The following PPP2R5C variants were observed in gnomAD, a reference collection of about 807,000 sequenced individuals.
PPP2R5C encodes protein phosphatase 2 regulatory subunit B'gamma, also known as serine/threonine-protein phosphatase 2A 56 kDa regulatory subunit gamma isoform.
PPP2R5C carries 7 observed loss-of-function variants against 68.9 expected under a neutral mutation model. That is an observed-to-expected ratio of 0.10 (90% confidence interval 0.06 to 0.19). PPP2R5C has a LOEUF of 0.19. Ranked by LOEUF, PPP2R5C falls within the 10% of genes least tolerant of loss-of-function variation. The pLI, the probability that PPP2R5C is intolerant of heterozygous loss-of-function variation, is 1.00. For synonymous variants in PPP2R5C, 210 were observed against 222.2 expected (o/e 0.95, Z 0.49); for missense variants, 348 against 641.3 (o/e 0.54, Z 4.94).
At chr14:101,791,408 C>G (rs1331789392) in intron 3 of PPP2R5C, among the ~76,000 whole-genome samples, 6 of 151,638 alleles carry the variant, frequency 4.0e-5, no homozygotes, top group Non-Finnish European at 8.8e-5. Context: ...GTATGTTTTC[C>G]CAGATATGAG....
intron 9 of PPP2R5C, among the ~76,000 whole-genome samples, chr14:101,905,257 G>A (rs550240553): frequency 6.6e-6 from 1 of 152,240 alleles, no homozygotes; most frequent in Non-Finnish European, 1.5e-5. Context: ...AGGAGGCTCA[G>A]GTAGGAGAAT....
intron 1 of PPP2R5C, among the ~76,000 whole-genome samples, chr14:101,850,009 T>C (rs1299974142): frequency 6.6e-6 from 1 of 152,244 alleles, no homozygotes; most frequent in Non-Finnish European, 1.5e-5. Context: ...ATGTATTCAG[T>C]TCCACAGAAG....
intron 5 of PPP2R5C, among the ~76,000 whole-genome samples, chr14:101,889,415 A>G (rs2044715587): frequency 1.3e-5 from 2 of 152,170 alleles, no homozygotes; most frequent in African/African-American, 2.4e-5. Context: ...GTTTCCTAAC[A>G]TGTCCCTGTT....
intron 13 of PPP2R5C, chr14:101,921,873 A>C (rs1316201859): frequency 1.5e-6 from 1 of 665,992 alleles, no homozygotes; most frequent in Non-Finnish European, 1.9e-6. Context: ...CATTTCCTTC[A>C]AGAAACTAGT....
chr14:101,780,404 T>C lies in PPP2R5C; in HGVS notation c.94-5614T>C, dbSNP rs548196609. Among the ~76,000 whole-genome samples the C allele has an allele frequency of 1.1e-3, 168 of 152,288 alleles. 1 individual carries two copies. The highest frequency in any genetic ancestry group is 3.9e-3 in the African/African-American group (161 of 41,558). ...GTTCCCATACGTTTGAGAGATATGA[T>C]AGTCAACCAAGGGTGATTTTGCCCC... On this transcript the variant is annotated intron_variant, in intron 2 of 14. Coordinates refer to the PPP2R5C transcript ENST00000328724.
At chr14:101,816,784 A>G (rs1396856795) in intron 1 of PPP2R5C, among the ~76,000 whole-genome samples, 1 of 150,228 alleles carries the variant, frequency 6.7e-6, no homozygotes, top group Non-Finnish European at 1.5e-5. Context: ...AGCTGAGGGG[A>G]TATACAATAT....
At chr14:101,765,568 C>CT (rs568558671) in intron 2 of PPP2R5C, 3,317 of 152,774 alleles carry the variant, frequency 0.022, 44 homozygotes, top group East Asian at 0.086. Context: ...GCTTTCAAGC[C>CT]TTTTTTTTTT....
At chr14:101,881,074 TAAC>T (rs2044144359) in intron 2 of PPP2R5C, among the ~76,000 whole-genome samples, 1 of 152,052 alleles carries the variant, frequency 6.6e-6, no homozygotes, top group African/African-American at 2.4e-5. Context: ...TTCAATAAGG[TAAC>T]CAATCATATT....
chr14:101,787,840 T>C (rs944122417), intron 3 of PPP2R5C, among the ~76,000 whole-genome samples: 1 of 152,178 alleles, frequency 6.6e-6, no homozygotes, highest in Non-Finnish European at 1.5e-5. Flanking sequence ...ATATTTGGTT[T>C]ACCTTTGTGG....
intron 2 of PPP2R5C, among the ~76,000 whole-genome samples, chr14:101,881,495 G>A (rs2140888776): frequency 6.6e-6 from 1 of 152,324 alleles, no homozygotes; most frequent in Non-Finnish European, 1.5e-5. Flanking sequence ...TTATGTCACT[G>A]ATCTGTCAGT....
chr14:101,760,593 C>A, upstream of PPP2R5C: 1 of 693,500 alleles, frequency 1.4e-6, no homozygotes, highest in Non-Finnish European at 1.8e-6. Flanking sequence ...GAGGGCGGGA[C>A]CAACCAGGAA....
At chr14:101,927,347 C>G (rs1027545578) in exon 14 of PPP2R5C, 2 of 152,598 alleles carry the variant, frequency 1.3e-5, no homozygotes, top group African/African-American at 4.8e-5. Flanking sequence ...AACTAATTTT[C>G]TTTGGCAAGA....
At chr14:101,885,525 G>A (rs2044443949) in intron 5 of PPP2R5C, among the ~76,000 whole-genome samples, 1 of 151,944 alleles carries the variant, frequency 6.6e-6, no homozygotes, top group African/African-American at 2.4e-5. Flanking sequence ...TGCGTCAGGA[G>A]CACCCTGCCT....
chr14:101,857,836 G>C (rs1244530197), intron 2 of PPP2R5C, among the ~76,000 whole-genome samples: 1 of 152,116 alleles, frequency 6.6e-6, no homozygotes, highest in Non-Finnish European at 1.5e-5. Flanking sequence ...TCTTTGTTAA[G>C]TTACTGATTT....
In PPP2R5C at chr14:101,876,715, G is replaced by A. The variant is rs187024077; in HGVS notation, c.295-5446G>A. Among the ~76,000 whole-genome samples, 18 of 152,296 alleles carry A rather than the reference G, an allele frequency of 1.2e-4. No individual in the cohort carries two copies. The East Asian group carries it at 3.3e-3, about 28-fold the overall frequency. On this transcript the variant is annotated intron_variant, in intron 2 of 13. Transcript: ENST00000334743. ...GTGCTTCCTGATATTAACCAGAGAC[G>A]GTCCTGGCACAGATGGGGCCGTGTG...
chr14:101,876,021 G>A (rs748600929), intron 2 of PPP2R5C, among the ~76,000 whole-genome samples: 33 of 152,158 alleles, frequency 2.2e-4, no homozygotes, highest in Non-Finnish European at 1.0e-4. Flanking sequence ...TTAGTGGAAA[G>A]GTGGTTGCTG....
chr14:101,828,897 T>C (rs2040563192), intron 1 of PPP2R5C, among the ~76,000 whole-genome samples: 1 of 152,164 alleles, frequency 6.6e-6, no homozygotes, highest in African/African-American at 2.4e-5. Context: ...CAGGCTGTTC[T>C]CAAATTCCTG....
At chr14:101,827,800 G>T (rs768958623) in intron 1 of PPP2R5C, among the ~76,000 whole-genome samples, 1 of 152,168 alleles carries the variant, frequency 6.6e-6, no homozygotes, top group Non-Finnish European at 1.5e-5. Flanking sequence ...TGTCAAAGGC[G>T]AAAATAAGGG....
At chr14:101,808,425 T>A (rs1411208026), upstream of PPP2R5C, among the ~76,000 whole-genome samples, 2 of 151,858 alleles carry the variant, frequency 1.3e-5, no homozygotes, top group Non-Finnish European at 2.9e-5. Context: ...TCCAGCACTG[T>A]CTGTCAGCTC....
Sources: gnomAD v4.1 joint callset for allele counts (sites outside exome capture counted in the v4.1 genomes callset) on GRCh38, gnomAD v4.1.1 for gene constraint, MANE v1.5 for transcripts, NCBI Gene and HGNC (gene_info 2026-07-23, HGNC 2026-07-21) for gene names.